Variants in MROH2B observed in about 807,000 individuals in gnomAD.
MROH2B encodes maestro heat-like repeat-containing protein family member 2B.
In MROH2B, 177 loss-of-function variants were observed where a neutral mutation model predicts 208.6. The ratio of observed to expected loss-of-function variants is 0.85; its 90% confidence interval spans 0.75 to 0.96. The LOEUF is 0.96. Ranked by LOEUF, MROH2B falls within the 40% of genes least tolerant of loss-of-function variation. The probability of loss-of-function intolerance (pLI) is 0.00; values close to 1 mark genes in which losing one functional copy is unlikely to be tolerated. For synonymous variants in MROH2B, 728 were observed against 659.0 expected (o/e 1.10, Z -1.60); for missense variants, 2,002 against 1,878.7 (o/e 1.07, Z -1.21).
chr5:41,035,426 A>G (rs1486787924), intron 21 of MROH2B, among the ~76,000 whole-genome samples: 1 of 152,154 alleles, frequency 6.6e-6, no homozygotes, highest in Non-Finnish European at 1.5e-5. Context: ...TTCACTATGT[A>G]TCAAAATTAA....
chr5:41,038,740 G>C lies in MROH2B; in HGVS notation c.2210C>G (p.Ser737Cys). Reference protein sequence around the residue: ...SQVLSLHGQCSQVLGMSVMNK... With the variant: ...SQVLSLHGQCCQVLGMSVMNK... The stretch of plus-strand genomic sequence containing the variant: ...CAGCCATGCAACGGGCATTACCTGA[G>C]AGCACTGGCCATGAAGAGACAGGAC... Residue 737 changes from serine to cysteine, a missense_variant, in exon 21 of 42, where the codon TCT becomes TGT. Ser to Cys is a moderately radical substitution (Grantham distance 112). Transcript: ENST00000399564. The C allele has an allele frequency of 6.2e-7, 1 of 1,610,020 alleles. No homozygotes were observed. Among genetic ancestry groups the C allele is most frequent in the Non-Finnish European group, 8.5e-7 (1 of 1,178,226 alleles).
chr5:41,063,586 G>C (rs911803168), intron 5 of MROH2B, among the ~76,000 whole-genome samples: 1 of 152,198 alleles, frequency 6.6e-6, no homozygotes, highest in Non-Finnish European at 1.5e-5. Context: ...TGGGAAAAAT[G>C]GAATGGAAGA....
intron 11 of MROH2B, among the ~76,000 whole-genome samples, chr5:41,053,511 T>C (rs1743345917): frequency 6.6e-6 from 1 of 152,160 alleles, no homozygotes. Flanking sequence ...GATAGAAACA[T>C]GAGAACCAAT....
chr5:41,064,106 C>T (rs1743723653), intron 5 of MROH2B, among the ~76,000 whole-genome samples: 1 of 152,094 alleles, frequency 6.6e-6, no homozygotes, highest in East Asian at 1.9e-4. Context: ...GGAGGTCAGT[C>T]GAAATGGAAG....
chr5:41,033,362 G>A (rs1041338953), intron 22 of MROH2B, among the ~76,000 whole-genome samples: 5 of 152,028 alleles, frequency 3.3e-5, no homozygotes, highest in African/African-American at 1.2e-4. Context: ...ACCCACAATA[G>A]AATGAAGGTC....
chr5:41,040,362 G>A (rs553745227), intron 19 of MROH2B, among the ~76,000 whole-genome samples: 5 of 152,256 alleles, frequency 3.3e-5, no homozygotes, highest in Admixed American at 2.0e-4. Context: ...CCTGTTATAT[G>A]TCATTCAGTG....
At chr5:41,033,604 A>G (rs1024869930) in intron 22 of MROH2B, among the ~76,000 whole-genome samples, 2 of 152,090 alleles carry the variant, frequency 1.3e-5, no homozygotes, top group African/African-American at 2.4e-5. Context: ...TTTGAACACC[A>G]TTGTTTTAGT....
intron 6 of MROH2B, among the ~76,000 whole-genome samples, chr5:41,059,047 CAAAA>C (rs1171278919): frequency 5.5e-5 from 4 of 73,208 alleles, no homozygotes; most frequent in African/African-American, 1.7e-4. Context: ...GACTCCATCT[CAAAA>C]AAAAAAAAAA....
chr5:41,025,644 C>T (rs980196114), intron 24 of MROH2B, among the ~76,000 whole-genome samples: 16 of 152,108 alleles, frequency 1.1e-4, no homozygotes, highest in African/African-American at 3.4e-4. Flanking sequence ...GAAACTATTC[C>T]AATCAATAGA....
rs561958803 is a variant in MROH2B at position 41,032,606 on chromosome 5, G to A, written c.2441+136C>T. On this transcript the variant is annotated intron_variant, in intron 24 of 41. Transcript: ENST00000399564. The stretch of plus-strand genomic sequence containing the variant: ...CTCTTTGGAAGGAGAAAAAGCCCCA[G>A]TTTGAAGCTCCCATTAATGAACTGT... The A allele has an allele frequency of 1.5e-5, 11 of 712,904 alleles. No individual in the cohort carries two copies. The South Asian group carries it at 1.9e-4, about 12-fold the overall frequency. 44.2% of individuals were successfully genotyped at this position (712,904 alleles called of 1,614,324 possible). A position where few individuals can be genotyped will look rare whatever the true frequency, so the allele number is the denominator to read the frequency against.
At chr5:41,030,405 T>C (rs1201609161) in intron 24 of MROH2B, among the ~76,000 whole-genome samples, 1 of 151,874 alleles carries the variant, frequency 6.6e-6, no homozygotes, top group Admixed American at 6.6e-5. Flanking sequence ...CCTAGAAATA[T>C]ACTTAACCAA....
At chr5:41,023,927 C>T (rs4512171) in intron 24 of MROH2B, among the ~76,000 whole-genome samples, 91,707 of 151,934 alleles carry the variant, frequency 0.6, 28,161 homozygotes, top group Non-Finnish European at 0.66. Flanking sequence ...CATATCTAGC[C>T]AAACTAAGCT....
chr5:41,069,630 T>C (rs969893296), intron 2 of MROH2B, 61 bp downstream of exon 2: 1 of 1,308,390 alleles, frequency 7.6e-7, no homozygotes, highest in African/African-American at 1.5e-5. Context: ...GAAAAATATA[T>C]ACGAAATGTT....
intron 9 of MROH2B, 58 bp from the exon 10 acceptor site, chr5:41,055,913 G>T: frequency 1.7e-6 from 2 of 1,192,608 alleles, no homozygotes; most frequent in Non-Finnish European, 2.5e-6. Flanking sequence ...TAAAATACTT[G>T]TGAATGGGAG....
intron 11 of MROH2B, 61 bp downstream of exon 11, chr5:41,054,706 C>A (rs959462810): frequency 4.6e-6 from 6 of 1,313,876 alleles, no homozygotes; most frequent in Admixed American, 4.0e-5. Context: ...CTTAAAGAAT[C>A]AAAATAATTT....
intron 23 of MROH2B, 92 bp downstream of exon 23, chr5:41,032,948 CT>C: frequency 6.4e-7 from 1 of 1,564,740 alleles, no homozygotes; most frequent in Non-Finnish European, 8.7e-7. Context: ...TTATGTGGGA[CT>C]GGTGAAGTCT....
chr5:41,053,195 T>A (rs528068504), intron 11 of MROH2B, among the ~76,000 whole-genome samples: 1 of 152,208 alleles, frequency 6.6e-6, no homozygotes, highest in Non-Finnish European at 1.5e-5. Context: ...CAAACAACTA[T>A]GAAAACTGGA....
intron 1 of MROH2B, among the ~76,000 whole-genome samples, chr5:41,070,522 C>T (rs1561312035): frequency 1.3e-5 from 2 of 152,116 alleles, no homozygotes; most frequent in African/African-American, 4.8e-5. Flanking sequence ...GAAATACTTC[C>T]AAAGGACTCT....
At chr5:41,015,326 C>T (rs565678774) in intron 29 of MROH2B, 55 bp downstream of exon 29, 105 of 1,480,590 alleles carry the variant, frequency 7.1e-5, no homozygotes, top group South Asian at 1.2e-5. Flanking sequence ...GTAGCTTACT[C>T]ATTTGGAAAT....
Sources: allele counts gnomAD v4.1 joint callset (sites outside exome capture counted in the v4.1 genomes callset), GRCh38; gene constraint gnomAD v4.1.1; transcripts MANE v1.5; gene names NCBI Gene and HGNC (gene_info 2026-07-23, HGNC 2026-07-21).